The following CR1L variants were observed in gnomAD, a reference collection of about 807,000 sequenced individuals.
CR1L encodes complement component receptor 1-like protein.
In CR1L, 59 loss-of-function variants were observed where a neutral mutation model predicts 62.3. The ratio of observed to expected loss-of-function variants is 0.95; its 90% CI spans 0.77 to 1.18. The LOEUF (loss-of-function observed/expected upper bound fraction) is 1.18, where lower values mean the gene tolerates loss of function less well. Among genes scored for constraint, CR1L ranks in the 50% most tolerant of loss-of-function variants. The probability of loss-of-function intolerance (pLI) is 0.00; values close to 1 mark genes in which losing one functional copy is unlikely to be tolerated. For synonymous variants in CR1L, 279 were observed against 248.7 expected, an observed-to-expected ratio of 1.12 and a Z score of -1.15; for missense variants, 700 against 702.8, an observed-to-expected ratio of 1.00 and a Z score of 0.04.
At chr1:207,675,724 A>G (rs1434857310) in intron 1 of CR1L, among the ~76,000 whole-genome samples, 1 of 152,244 alleles carries the variant, frequency 6.6e-6, no homozygotes, top group Admixed American at 6.5e-5. Flanking sequence ...AGATATTTCC[A>G]AAACTAGAGT....
intron 11 of CR1L, among the ~76,000 whole-genome samples, chr1:207,719,946 C>T (rs747315837): frequency 2.0e-5 from 3 of 152,118 alleles, no homozygotes; most frequent in Non-Finnish European, 2.9e-5. Context: ...AAATGGTCAA[C>T]GGACCTAAAT....
chr1:207,697,327 T>A (rs1664113439), intron 5 of CR1L, among the ~76,000 whole-genome samples, 176 bp from the exon 6 acceptor site: 1 of 152,208 alleles, frequency 6.6e-6, no homozygotes, highest in African/African-American at 2.4e-5. Context: ...GTTCTATGAG[T>A]GATGGCAAGA....
chr1:207,656,827 C>T (rs1343843162), intron 1 of CR1L, among the ~76,000 whole-genome samples: 3 of 152,176 alleles, frequency 2.0e-5, no homozygotes, highest in Admixed American at 2.0e-4. Flanking sequence ...CCAGGCCCCA[C>T]CTCCAACATT....
At chr1:207,681,007 G>C (rs533350525) in intron 3 of CR1L, among the ~76,000 whole-genome samples, 1 of 152,144 alleles carries the variant, frequency 6.6e-6, no homozygotes, top group African/African-American at 2.4e-5. Flanking sequence ...CTACCCTTAA[G>C]CTGTGTGCTC....
intron 3 of CR1L, among the ~76,000 whole-genome samples, chr1:207,682,261 C>G (rs900441875): frequency 6.6e-6 from 1 of 151,896 alleles, no homozygotes; most frequent in Non-Finnish European, 1.5e-5. Flanking sequence ...CACCTGAGGT[C>G]AGGAATTCAA....
chr1:207,698,473 T>TA (rs1341804034), intron 7 of CR1L, among the ~76,000 whole-genome samples: 1 of 152,194 alleles, frequency 6.6e-6, no homozygotes, highest in Non-Finnish European at 1.5e-5. Context: ...TATGTCCACC[T>TA]AGTGCTCTTC....
At chr1:207,709,053 GTGTT>G (rs943263087) in intron 10 of CR1L, 574 of 268,580 alleles carry the variant, frequency 2.1e-3, no homozygotes, top group African/African-American at 0.012. Context: ...TTGTATATTT[GTGTT>G]TGCTTTGTCT....
At chr1:207,722,979 T>C (rs1199671198) in intron 11 of CR1L, among the ~76,000 whole-genome samples, 2 of 152,216 alleles carry the variant, frequency 1.3e-5, no homozygotes, top group East Asian at 3.8e-4. Flanking sequence ...AGTTTGCCTT[T>C]GTTGTAACTT....
chr1:207,715,006 G>A (rs1379531845), intron 10 of CR1L, among the ~76,000 whole-genome samples: 4 of 152,206 alleles, frequency 2.6e-5, no homozygotes, highest in Non-Finnish European at 5.9e-5. Context: ...GAGAAGTCTG[G>A]TTCTGTGTTC....
chr1:207,657,508 A>T (rs1243128821), intron 1 of CR1L: 1 of 401,386 alleles, frequency 2.5e-6, no homozygotes. Context: ...TTTCACCCCC[A>T]CATGTTCTTG....
Position 207,677,488 on chromosome 1 carries a change from G to T in CR1L, c.197G>T (p.Arg66Leu). ...GGGACATATCTGAACTATGAATGCC[G>T]CCCTGGTTATTCCGGAAGACCGTTT... ...PIGTYLNYEC[R>L]PGYSGRPFSI... Residue 66 changes from arginine (R) to leucine (L), a missense_variant, in exon 2 of 12, where the codon CGC becomes CTC. By Grantham distance (102) the Arg-to-Leu change is moderately radical. Transcript: ENST00000508064. 6.2e-7 allele frequency: 1 copy of T among 1,613,762 alleles called. No individual in the cohort carries two copies. Among genetic ancestry groups the T allele is most frequent in the Non-Finnish European group, 8.5e-7 (1 of 1,179,856 alleles).
intron 11 of CR1L, among the ~76,000 whole-genome samples, chr1:207,721,241 T>C (rs935767084): frequency 5.9e-5 from 9 of 152,084 alleles, no homozygotes; most frequent in African/African-American, 2.2e-4. Flanking sequence ...GTGCACATTG[T>C]GCAGGTTAGT....
chr1:207,683,006 TTCTTTTTC>T lies in CR1L; in HGVS notation c.378-864_378-857del, dbSNP rs1331995058. The stretch of plus-strand genomic sequence containing the variant: ...TTTCTTTCTTTTTTTCTTTCTTTCT[TTCTTTTTC>T]TTTCTTTCTTTCCTTCCTTCCTTCC... On this transcript the variant is annotated intron_variant, in intron 3 of 11. Coordinates refer to ENST00000508064, the MANE Select transcript of CR1L (RefSeq NM_175710.2). Among the ~76,000 whole-genome samples the T allele has an allele frequency of 5.6e-4, 69 of 122,602 alleles. No individual in the cohort carries two copies. In the South Asian group the frequency reaches 8.7e-3, roughly 16 times the overall value. 80.4% of individuals were successfully genotyped at this position (122,602 alleles called of 152,430 possible). A position where few individuals can be genotyped will look rare whatever the true frequency, so the allele number is the denominator to read the frequency against.
At chr1:207,671,837 C>T (rs1321030575) in intron 1 of CR1L, among the ~76,000 whole-genome samples, 1 of 150,784 alleles carries the variant, frequency 6.6e-6, no homozygotes, top group East Asian at 1.9e-4. Context: ...AGGAGAATCT[C>T]TTGAACCTGG....
chr1:207,695,191 T>C (rs1664058010), intron 5 of CR1L, among the ~76,000 whole-genome samples: 1 of 152,130 alleles, frequency 6.6e-6, no homozygotes, highest in African/African-American at 2.4e-5. Context: ...AGAGGTGAGA[T>C]CATGGCTTAC....
chr1:207,707,201 A>T (rs1229109934), intron 9 of CR1L, among the ~76,000 whole-genome samples: 1 of 152,224 alleles, frequency 6.6e-6, no homozygotes. Flanking sequence ...GGAAGGAAAA[A>T]GAATAGCAAG....
Position 207,711,868 on chromosome 1 carries a change from C to T in CR1L, c.1414+3605C>T, listed in dbSNP as rs1664363776. Among the ~76,000 whole-genome samples, 4 of 150,112 alleles carry T rather than the reference C, an allele frequency of 2.7e-5. No individual in the cohort carries two copies. The South Asian group carries it at 8.4e-4, about 32-fold the overall frequency. On this transcript the variant is annotated intron_variant, in intron 10 of 11. Transcript: ENST00000508064. ...GAGCTAAGATCACACGACTGTGCTC[C>T]AGCCTGGATGACAGAGTGAGATATC...
chr1:207,668,317 C>G (rs1336567987), intron 1 of CR1L, among the ~76,000 whole-genome samples: 1 of 150,994 alleles, frequency 6.6e-6, no homozygotes, highest in African/African-American at 2.5e-5. Context: ...TATATATACA[C>G]AAGGGAATAC....
At chr1:207,679,153 AT>A (rs34703217) in intron 3 of CR1L, among the ~76,000 whole-genome samples, 1,022 of 90,280 alleles carry the variant, frequency 0.011, 12 homozygotes, top group African/African-American at 0.038. Context: ...GCCCACCACC[AT>A]TTTTTTTTTT....
Sources: gnomAD v4.1 joint callset for allele counts (sites outside exome capture counted in the v4.1 genomes callset) on GRCh38, gnomAD v4.1.1 for gene constraint, MANE v1.5 for transcripts, NCBI Gene and HGNC (gene_info 2026-07-23, HGNC 2026-07-21) for gene names.